Variants in NTM observed in about 807,000 individuals in gnomAD.
The protein encoded by NTM is neurotrimin.
Under a neutral mutation model 42.1 loss-of-function variants are expected in NTM, and 13 were observed. The ratio of observed to expected loss-of-function variants is 0.31; its 90% CI spans 0.20 to 0.49. The LOEUF (loss-of-function observed/expected upper bound fraction) is 0.49, where lower values mean the gene tolerates loss of function less well. Among genes scored for constraint, NTM ranks in the 20% least tolerant of loss-of-function variants. NTM has a pLI of 0.99. For missense variants in NTM, 373 were observed against 452.8 expected, an observed-to-expected ratio of 0.82 and a Z score of 1.60; for synonymous variants, 187 against 179.2, an observed-to-expected ratio of 1.04 and a Z score of -0.35.
intron 2 of NTM, among the ~76,000 whole-genome samples, chr11:132,083,276 TTC>T (rs2059313250): frequency 6.6e-6 from 1 of 152,338 alleles, no homozygotes; most frequent in Admixed American, 6.5e-5. Flanking sequence ...GAAACAGAAT[TTC>T]TCTCTCCAGT....
intron 4 of NTM, among the ~76,000 whole-genome samples, chr11:132,253,331 C>T (rs780575675): frequency 3.9e-5 from 6 of 152,156 alleles, no homozygotes; most frequent in Non-Finnish European, 5.9e-5. Context: ...AATTGAGAGT[C>T]GGGCTTATTA....
At chr11:132,237,174 A>G (rs1188487598) in intron 4 of NTM, among the ~76,000 whole-genome samples, 1 of 152,232 alleles carries the variant, frequency 6.6e-6, no homozygotes, top group East Asian at 1.9e-4. Context: ...CGTCCGGAAC[A>G]TGGGTCCATC....
chr11:131,932,289 G>A (rs1034268178), intron 2 of NTM, among the ~76,000 whole-genome samples: 8 of 152,198 alleles, frequency 5.3e-5, no homozygotes, highest in African/African-American at 1.9e-4. Context: ...GGGAAAGGAA[G>A]ATGAAGCCTA....
At chr11:131,827,220 A>T (rs371645879) in intron 1 of NTM, among the ~76,000 whole-genome samples, 2 of 152,310 alleles carry the variant, frequency 1.3e-5, no homozygotes, top group East Asian at 3.9e-4. Context: ...GAAAACTGCT[A>T]TAGAGGTAAA....
rs542816605 is a variant in NTM, at chr11:132,311,161, C to T, written c.782+929C>T. 7.2e-5 allele frequency among the ~76,000 whole-genome samples: 11 copies of T among 152,252 alleles called. No individual in the cohort carries two copies. The South Asian group carries it at 1.7e-3, about 23-fold the overall frequency. On this transcript the variant is annotated intron_variant, in intron 6 of 8. Coordinates refer to ENST00000683400, the MANE Select transcript of NTM (RefSeq NM_001352005.2). ...TGCAGGCCAGGAGCAAGTGAATGGC[C>T]GCCCACGCTGTGTGCACGTCTTCAG...
chr11:131,864,938 G>A (rs183082088), intron 1 of NTM, among the ~76,000 whole-genome samples: 2,511 of 152,280 alleles, frequency 0.016, 67 homozygotes, highest in African/African-American at 0.057. Flanking sequence ...AGCCAGCAGG[G>A]CCTGAGCTTG....
chr11:131,619,811 ATCT>A (rs1336106096), intron 1 of NTM, among the ~76,000 whole-genome samples: 54 of 151,344 alleles, frequency 3.6e-4, no homozygotes, highest in African/African-American at 1.1e-3. Context: ...ACCGCTAAAC[ATCT>A]TCTTTTTTTT....
At chr11:132,009,981 C>A (rs149795892) in intron 2 of NTM, among the ~76,000 whole-genome samples, 57 of 152,248 alleles carry the variant, frequency 3.7e-4, no homozygotes, top group African/African-American at 1.3e-3. Context: ...GGTCACTGAG[C>A]TGACCGAATA....
intron 4 of NTM, among the ~76,000 whole-genome samples, chr11:132,226,770 A>G (rs2138963118): frequency 6.6e-6 from 1 of 152,316 alleles, no homozygotes; most frequent in African/African-American, 2.4e-5. Context: ...ATCTAAGAGT[A>G]TGTTAATCTG....
At chr11:131,643,785 ACAGAATACAGGGC>A (rs550965877) in intron 1 of NTM, among the ~76,000 whole-genome samples, 445 of 152,298 alleles carry the variant, frequency 2.9e-3, no homozygotes, top group African/African-American at 0.01. Flanking sequence ...TCTGTGGGTC[ACAGAATACAGGGC>A]CAGGCTGAGA....
intron 1 of NTM, among the ~76,000 whole-genome samples, chr11:131,750,236 C>T (rs1166302067): frequency 6.8e-6 from 1 of 146,812 alleles, no homozygotes; most frequent in Non-Finnish European, 1.5e-5. Flanking sequence ...GGTGTTGCCA[C>T]CTTTGTCCAG....
chr11:131,985,911 G>A (rs1267108045), intron 2 of NTM, among the ~76,000 whole-genome samples: 1 of 152,198 alleles, frequency 6.6e-6, no homozygotes, highest in Non-Finnish European at 1.5e-5. Context: ...CACATAGTGA[G>A]TGTTCCACGA....
chr11:131,589,690 G>T (rs1430472404), intron 1 of NTM, among the ~76,000 whole-genome samples: 1 of 152,142 alleles, frequency 6.6e-6, no homozygotes. Flanking sequence ...CGTCACTTTT[G>T]TTGAAAAATG....
chr11:131,871,617 A>C (rs1388308228), intron 1 of NTM, among the ~76,000 whole-genome samples: 1 of 152,238 alleles, frequency 6.6e-6, no homozygotes, highest in Non-Finnish European at 1.5e-5. Context: ...ATAGTTTATC[A>C]ATATGAATAC....
intron 1 of NTM, chr11:131,663,523 T>C (rs1465295510): frequency 6.6e-6 from 1 of 152,450 alleles, no homozygotes; most frequent in Non-Finnish European, 1.5e-5. Context: ...GCCAGGCCAC[T>C]GAGAGGGTTT....
intron 1 of NTM, among the ~76,000 whole-genome samples, chr11:131,656,253 CCA>C (rs2134400052): frequency 6.6e-6 from 1 of 152,366 alleles, no homozygotes; most frequent in South Asian, 2.1e-4. Flanking sequence ...CTCCATACCA[CCA>C]CCATCCCAGT....
rs149508405 is a variant in NTM at position 131,838,222 on chromosome 11, C to T, written c.83-73342C>T. 1.2e-3 allele frequency among the ~76,000 whole-genome samples: 177 copies of T among 152,220 alleles called. 5 individuals are homozygous for T. The East Asian group carries it at 0.033, about 29-fold the overall frequency. The stretch of plus-strand genomic sequence containing the variant: ...GTAGACGGCACAGGTCCTGCGCATG[C>T]TCAGTGATCACTCATCCCGGAAGTC... On this transcript the variant is annotated intron_variant, in intron 1 of 8. Transcript: ENST00000683400.
intron 2 of NTM, among the ~76,000 whole-genome samples, chr11:131,932,235 A>C (rs2058709344): frequency 6.6e-6 from 1 of 152,214 alleles, no homozygotes; most frequent in Non-Finnish European, 1.5e-5. Context: ...AAAACATAGA[A>C]TAAATTAACT....
intron 1 of NTM, among the ~76,000 whole-genome samples, chr11:131,604,650 T>A (rs5018663): frequency 0.47 from 70,772 of 149,364 alleles, 17,497 homozygotes; most frequent in East Asian, 0.61. Flanking sequence ...AAGGTTTTTT[T>A]TTTTTTTTTA....
Sources: gnomAD v4.1 joint callset for allele counts (sites outside exome capture counted in the v4.1 genomes callset) on GRCh38, gnomAD v4.1.1 for gene constraint, MANE v1.5 for transcripts, NCBI Gene and HGNC (gene_info 2026-07-23, HGNC 2026-07-21) for gene names.